Variants in ERAP1 observed in about 807,000 individuals in gnomAD.
The protein encoded by ERAP1 is endoplasmic reticulum aminopeptidase 1.
In ERAP1, 86 loss-of-function variants were observed where a neutral mutation model predicts 103.7. That is an observed-to-expected ratio of 0.83 (90% confidence interval 0.70 to 0.99). ERAP1 has a LOEUF of 0.99. Ranked by LOEUF, ERAP1 falls within the 50% of genes least tolerant of loss-of-function variation. The pLI is 0.00. For synonymous variants in ERAP1, 398 were observed against 402.4 expected (o/e 0.99, Z 0.13); for missense variants, 1,009 against 1,128.4 (o/e 0.89, Z 1.52).
At chr5:96,912,718 T>C in the ERAP1 span, 2 of 1,604,950 alleles carry the variant, frequency 1.2e-6, no homozygotes, top group Non-Finnish European at 1.7e-6. Flanking sequence ...TAGAGCAATA[T>C]GAACTGTCAA....
the ERAP1 span, among the ~76,000 whole-genome samples, chr5:96,842,155 T>C: frequency 3.3e-5 from 5 of 152,326 alleles, no homozygotes; most frequent in African/African-American, 1.2e-4. Flanking sequence ...CCATGGTATA[T>C]GTATATACCA....
At chr5:96,895,299 G>A in the ERAP1 span, 2 of 1,612,972 alleles carry the variant, frequency 1.2e-6, no homozygotes, top group African/African-American at 1.3e-5. Flanking sequence ...GGCTTAAGGA[G>A]GGTTTTGCAA....
chr5:96,930,219 T>A, the ERAP1 span, among the ~76,000 whole-genome samples: 1 of 152,192 alleles, frequency 6.6e-6, no homozygotes, highest in Non-Finnish European at 1.5e-5. Context: ...GTTTTTTGCC[T>A]GATAAGAGAT....
At chr5:96,886,815 G>A in the ERAP1 span, 3,482 of 1,417,662 alleles carry the variant, frequency 2.5e-3, 26 homozygotes, top group Middle Eastern at 2.8e-3. Context: ...AACGTTCTAC[G>A]CAGTGCAGAA....
Position 96,781,095 on chromosome 5 carries a change from G to A in ERAP1, c.2551C>T (p.Gln851Ter), listed in dbSNP as rs140865304. The A allele has an allele frequency of 1.2e-6, 2 of 1,613,736 alleles. No individual in the cohort carries two copies. The highest frequency in any genetic ancestry group is 1.7e-6 in the Non-Finnish European group (2 of 1,179,950). Reference protein sequence around the residue: ...RNPVGYPLAWQFLRKNWNKLV... With the variant: ...RNPVGYPLAW ...TTGTTCCAGTTTTTCCTCAGAAATT[G>A]CCAGGCCAGTGGGTATCCTACTGGG... Residue 851 changes from glutamine to a stop codon, truncating the protein, a stop_gained, in exon 17 of 19, where the codon CAA (glutamine) becomes TAA (stop). Coordinates refer to ENST00000443439, the MANE Select transcript of ERAP1 (RefSeq NM_001040458.3). LOFTEE classifies it high-confidence loss of function.
the ERAP1 span, among the ~76,000 whole-genome samples, chr5:96,849,869 CTAGAG>C: frequency 6.6e-6 from 1 of 152,036 alleles, no homozygotes. Flanking sequence ...TATTACAAAG[CTAGAG>C]TAATCAAAAC....
chr5:96,766,589 A>G (rs1770061939), intron 19 of ERAP1, among the ~76,000 whole-genome samples: 1 of 152,200 alleles, frequency 6.6e-6, no homozygotes, highest in African/African-American at 2.4e-5. Flanking sequence ...CATCATCATC[A>G]GCACTATTGC....
chr5:96,814,114 C>G, the ERAP1 span: 1 of 372,574 alleles, frequency 2.7e-6, no homozygotes, highest in African/African-American at 2.1e-5. Flanking sequence ...ACTGGAGCTG[C>G]AGTCTCACCT....
chr5:96,798,078 C>A (rs1185924413), intron 3 of ERAP1, among the ~76,000 whole-genome samples: 1 of 152,150 alleles, frequency 6.6e-6, no homozygotes, highest in Non-Finnish European at 1.5e-5. Flanking sequence ...GTAATCCCAG[C>A]ACTTTGGGAG....
At chr5:96,838,500 T>C in the ERAP1 span, among the ~76,000 whole-genome samples, 1 of 152,236 alleles carries the variant, frequency 6.6e-6, no homozygotes, top group Admixed American at 6.5e-5. Context: ...TACATGCATA[T>C]AGATAGTGAT....
chr5:96,915,904 A>AAATGCTATAGCAATTCCATAT, the ERAP1 span: 2 of 620,956 alleles, frequency 3.2e-6, no homozygotes. Flanking sequence ...GCCATATAGC[A>AAATGCTATAGCAATTCCATAT]AGTAAATGGA....
At chr5:96,891,811 CT>C in the ERAP1 span, among the ~76,000 whole-genome samples, 1 of 152,006 alleles carries the variant, frequency 6.6e-6, no homozygotes. Flanking sequence ...GAAATATTGA[CT>C]ATAGAGATGG....
chr5:96,917,331 G>A, the ERAP1 span: 1 of 674,754 alleles, frequency 1.5e-6, no homozygotes, highest in Non-Finnish European at 2.5e-6. Flanking sequence ...ATGTTGCCTA[G>A]GCTCGTATTG....
the ERAP1 span, among the ~76,000 whole-genome samples, chr5:96,845,983 G>A: frequency 6.6e-6 from 1 of 152,076 alleles, no homozygotes; most frequent in Non-Finnish European, 1.5e-5. Flanking sequence ...AATCCCTAGA[G>A]GACACAGTTA....
the ERAP1 span, among the ~76,000 whole-genome samples, chr5:96,820,918 G>GA: frequency 3.9e-5 from 6 of 151,900 alleles, no homozygotes; most frequent in South Asian, 1.3e-3. Flanking sequence ...ATTTGTATCA[G>GA]GGTTCTCCAG....
At chr5:96,829,997 C>T in the ERAP1 span, among the ~76,000 whole-genome samples, 2 of 152,134 alleles carry the variant, frequency 1.3e-5, no homozygotes, top group East Asian at 3.9e-4. Context: ...TAAAAGAAAC[C>T]TTATCAAATG....
intron 19 of ERAP1, among the ~76,000 whole-genome samples, chr5:96,764,465 AT>A (rs567920068): frequency 1.3e-5 from 2 of 152,156 alleles, no homozygotes; most frequent in South Asian, 4.1e-4. Context: ...CATTTCTGCA[AT>A]TTCACTTCCA....
At chr5:96,913,160 T>TA in the ERAP1 span, among the ~76,000 whole-genome samples, 1 of 152,194 alleles carries the variant, frequency 6.6e-6, no homozygotes, top group African/African-American at 2.4e-5. Flanking sequence ...AAATTATTTC[T>TA]AAAAAAGTAA....
chr5:96,900,052 T>C, the ERAP1 span: 5 of 1,562,124 alleles, frequency 3.2e-6, no homozygotes, highest in Admixed American at 1.7e-5. Context: ...CCTGCATCCA[T>C]GGCTAATGTG....
Sources: gnomAD v4.1 joint callset for allele counts (sites outside exome capture counted in the v4.1 genomes callset) on GRCh38, gnomAD v4.1.1 for gene constraint, MANE v1.5 for transcripts, NCBI Gene and HGNC (gene_info 2026-07-23, HGNC 2026-07-21) for gene names.